POMT2: variants seen among roughly 807,000 people sequenced by gnomAD.
The protein encoded by POMT2 is protein O-mannosyl-transferase 2.
In POMT2, 75 loss-of-function variants were observed where a neutral mutation model predicts 100.0. That is an observed-to-expected ratio of 0.75 (90% CI 0.62 to 0.91). POMT2 has a LOEUF of 0.91. Ranked by LOEUF, POMT2 falls within the 40% of genes least tolerant of loss-of-function variation. POMT2 has a pLI of 0.00. For synonymous variants in POMT2, 378 were observed against 374.1 expected (o/e 1.01, Z -0.12); for missense variants, 940 against 955.1 (o/e 0.98, Z 0.21).
intron 9 of POMT2, among the ~76,000 whole-genome samples, chr14:77,294,955 C>T (rs1890770712): frequency 1.3e-5 from 2 of 152,196 alleles, no homozygotes; most frequent in Admixed American, 1.3e-4. Flanking sequence ...GTTCACTGTC[C>T]TTTGTCATAA....
At chr14:77,310,355 T>C (rs531483674) in intron 2 of POMT2, among the ~76,000 whole-genome samples, 1 of 152,308 alleles carries the variant, frequency 6.6e-6, no homozygotes, top group Non-Finnish European at 1.5e-5. Context: ...GTAATGGGGA[T>C]GAAACAATAC....
In POMT2 at chr14:77,283,843, G is replaced by T; in HGVS notation, c.1607C>A (p.Pro536His). The change falls in exon 15 of 21, where the codon CCC (proline) becomes CAC (histidine). Residue 536 changes from proline (P) to histidine (H), a missense_variant. Transcript: ENST00000261534. The stretch of plus-strand genomic sequence containing the variant: ...TTCCAGCAAGATCTCAGGAAAACTG[G>T]GCTGTAGCACATCCAGGCTGATGTT... The part of the protein sequence containing the change: ...LPNISLDVLQ[P>H]SFPEILLESH... 6 of 1,613,160 alleles carry T rather than the reference G, an allele frequency of 3.7e-6. No individual in the cohort carries two copies. Among genetic ancestry groups the T allele is most frequent in the Non-Finnish European group, 5.1e-6 (6 of 1,179,150 alleles).
Position 77,298,736 on chromosome 14 carries a change from T to C in POMT2, c.959A>G (p.Gln320Arg), listed in dbSNP as rs1283909571. The C allele has an allele frequency of 6.2e-7, 1 of 1,613,622 alleles. No individual in the cohort carries two copies. Among genetic ancestry groups the C allele is most frequent in the Non-Finnish European group, 8.5e-7 (1 of 1,179,796 alleles). The change falls in exon 8 of 21, where the codon CAG becomes CGG. Residue 320 changes from glutamine (Q) to arginine (R), a missense_variant. Coordinates refer to ENST00000261534, the MANE Select transcript of POMT2 (RefSeq NM_013382.7). ...PGDGFFSSAF[Q>R]ARLSGNNLHN... is the part of the protein sequence containing the mutation. ...CAGGTTGTTCCCTGAAAGCCGGGCC[T>C]GGAAGGCAGAACTGAAGAAACCGTC... is the stretch of plus-strand genomic sequence containing the variant.
At position 77,275,628 on chromosome 14, in the gene POMT2, G is replaced by T. The variant is rs45458096; in HGVS notation, c.*1748C>A. The T allele has an allele frequency of 0.11, 16,363 of 152,246 alleles. 1,804 individuals are homozygous for T. Among genetic ancestry groups the T allele is most frequent in the African/African-American group, 0.29 (11,884 of 41,414 alleles). The allele number at this position is 152,246 out of a possible 1,614,324, so 9.4% of individuals were successfully genotyped here. A position where few individuals can be genotyped will look rare whatever the true frequency, so the allele number is the denominator to read the frequency against. On this transcript the variant is annotated 3_prime_UTR_variant, in exon 21 of 21. Transcript: ENST00000261534. ...AGGAGAGGAAGGGAGGGGAGGGGAG[G>T]ACACACGGTGAGGTGGAAGCAGCGA...
chr14:77,277,844 C>T (rs988460114), intron 20 of POMT2, among the ~76,000 whole-genome samples: 13 of 152,322 alleles, frequency 8.5e-5, no homozygotes, highest in African/African-American at 3.1e-4. Context: ...ACTGGGGAAG[C>T]GGGGAGCCTT....
intron 9 of POMT2, 114 bp from the exon 10 acceptor site, chr14:77,291,494 C>A: frequency 7.0e-7 from 1 of 1,429,468 alleles, no homozygotes; most frequent in Non-Finnish European, 9.5e-7. Context: ...AAGCCAATTT[C>A]AGAATCCCCA....
At chr14:77,278,167 A>G (rs563946109) in intron 20 of POMT2, 4 of 558,064 alleles carry the variant, frequency 7.2e-6, no homozygotes, top group Non-Finnish European at 6.5e-6. Context: ...AACCACCGGC[A>G]GAAGGGGAAA....
At chr14:77,284,274 T>A in intron 14 of POMT2, 1 of 307,528 alleles carries the variant, frequency 3.3e-6, no homozygotes, top group South Asian at 3.2e-5. Context: ...GCAGCTGCTG[T>A]CGGGATGGGG....
At chr14:77,315,433 G>A (rs1487714190) in intron 1 of POMT2, among the ~76,000 whole-genome samples, 1 of 152,222 alleles carries the variant, frequency 6.6e-6, no homozygotes, top group Non-Finnish European at 1.5e-5. Context: ...ATTAGTTCGA[G>A]GGGAAAAAGT....
intron 8 of POMT2, among the ~76,000 whole-genome samples, chr14:77,297,786 C>G (rs558775696): frequency 3.8e-4 from 58 of 152,158 alleles, no homozygotes; most frequent in Non-Finnish European, 7.5e-4. Flanking sequence ...CCACCATACC[C>G]AGCTCAGGTT....
At chr14:77,309,816 G>A (rs1891374167) in intron 2 of POMT2, among the ~76,000 whole-genome samples, 1 of 152,124 alleles carries the variant, frequency 6.6e-6, no homozygotes, top group African/African-American at 2.4e-5. Flanking sequence ...CCAAATAGCT[G>A]AGACTACAGA....
chr14:77,287,124 C>T (rs1047313840), intron 11 of POMT2: 1 of 390,866 alleles, frequency 2.6e-6, no homozygotes, highest in Non-Finnish European at 4.8e-6. Flanking sequence ...CATTTAGTAG[C>T]TTTGAAGCAC....
chr14:77,280,766 G>A (rs972087569), intron 15 of POMT2, among the ~76,000 whole-genome samples: 2 of 152,202 alleles, frequency 1.3e-5, no homozygotes, highest in African/African-American at 4.8e-5. Flanking sequence ...CTAAGGACAA[G>A]GTGTGAAAAT....
rs1165694760 is a variant in POMT2 at position 77,320,832 on chromosome 14, G to C, written c.-151C>G. The stretch of plus-strand genomic sequence containing the variant: ...GAGCGCGGGGCCCCGGGCTCGGGGC[G>C]GGGCGGGCAGCGTGGTCGCGGCCCG... On this transcript the variant is annotated 5_prime_UTR_variant, in exon 1 of 21. Transcript: ENST00000261534. The C allele has an allele frequency of 1.5e-6, 2 of 1,359,930 alleles. No homozygotes were observed. The highest frequency in any genetic ancestry group is 3.0e-5 in the East Asian group (1 of 33,712). The allele number at this position is 1,359,930 out of a possible 1,614,324, so 84.2% of individuals were successfully genotyped here. A position where few individuals can be genotyped will look rare whatever the true frequency, so the allele number is the denominator to read the frequency against.
chr14:77,316,566 TAAAAAAAAAA>T (rs60771363), intron 1 of POMT2, among the ~76,000 whole-genome samples: 1 of 77,568 alleles, frequency 1.3e-5, no homozygotes, highest in South Asian at 4.8e-4. Flanking sequence ...ATCTCATCTC[TAAAAAAAAAA>T]AAAAAAAAAA....
intron 10 of POMT2, among the ~76,000 whole-genome samples, chr14:77,289,578 G>A (rs1890569129): frequency 6.6e-6 from 1 of 152,036 alleles, no homozygotes; most frequent in South Asian, 2.1e-4. Flanking sequence ...GCTTAAGCTG[G>A]GAAGCTAAAT....
intron 2 of POMT2, among the ~76,000 whole-genome samples, chr14:77,308,240 A>G (rs538089933): frequency 2.0e-5 from 3 of 152,334 alleles, no homozygotes; most frequent in African/African-American, 7.2e-5. Flanking sequence ...ACAAATTCAT[A>G]GAAAACAAAA....
At chr14:77,301,767 A>G (rs550796207) in intron 5 of POMT2, among the ~76,000 whole-genome samples, 34 of 152,342 alleles carry the variant, frequency 2.2e-4, no homozygotes, top group African/African-American at 7.7e-4. Context: ...ACAGGAGGAA[A>G]TCAAGATACA....
Position 77,283,841 on chromosome 14 carries a change from T to C in POMT2, c.1609A>G (p.Ser537Gly), listed in dbSNP as rs1340953706. 3 of 1,613,322 alleles carry C rather than the reference T, an allele frequency of 1.9e-6. No homozygotes were observed. The East Asian group carries it at 6.7e-5, about 36-fold the overall frequency. The change falls in exon 15 of 21, where the codon AGT (serine) becomes GGT (glycine). Residue 537 changes from serine (S) to glycine (G), a missense_variant. Physicochemically the swap from Ser to Gly is moderately conservative, Grantham distance 56 (BLOSUM62 0). Coordinates refer to ENST00000261534, the MANE Select transcript of POMT2 (RefSeq NM_013382.7). ...PNISLDVLQPSFPEILLESHM... is the reference protein window; with the variant it reads ...PNISLDVLQPGFPEILLESHM... Reference sequence around the variant, plus strand: ...GATTCCAGCAAGATCTCAGGAAAACTGGGCTGTAGCACATCCAGGCTGATG... The same window carrying C: ...GATTCCAGCAAGATCTCAGGAAAACCGGGCTGTAGCACATCCAGGCTGATG...
Sources: gnomAD v4.1 joint callset for allele counts (sites outside exome capture counted in the v4.1 genomes callset) on GRCh38, gnomAD v4.1.1 for gene constraint, MANE v1.5 for transcripts, NCBI Gene and HGNC (gene_info 2026-07-23, HGNC 2026-07-21) for gene names.